Variants in USO1 observed in about 807,000 individuals in gnomAD.
The protein encoded by USO1 is general vesicular transport factor p115.
In USO1, 57 loss-of-function variants were observed where a neutral mutation model predicts 124.5. The ratio of observed to expected loss-of-function variants is 0.46; its 90% confidence interval spans 0.37 to 0.57. USO1 has a LOEUF of 0.57. Among genes scored for constraint, USO1 ranks in the 20% least tolerant of loss-of-function variants. The probability of loss-of-function intolerance (pLI) is 0.00; values close to 1 mark genes in which losing one functional copy is unlikely to be tolerated. For missense variants in USO1, 900 were observed against 1,040.6 expected, an observed-to-expected ratio of 0.86 and a Z score of 1.86; for synonymous variants, 369 against 362.8, an observed-to-expected ratio of 1.02 and a Z score of -0.19.
At chr4:75,785,981 T>G (rs1722351109) in intron 9 of USO1, among the ~76,000 whole-genome samples, 1 of 152,110 alleles carries the variant, frequency 6.6e-6, no homozygotes, top group African/African-American at 2.4e-5. Context: ...TGACATCAAT[T>G]TATTAATGAA....
At chr4:75,811,679 CT>C (rs1723155464) in intron 22 of USO1, among the ~76,000 whole-genome samples, 1 of 152,124 alleles carries the variant, frequency 6.6e-6, no homozygotes, top group Admixed American at 6.5e-5. Context: ...TATAATTGTG[CT>C]TTTTGGATTG....
At chr4:75,752,933 A>G (rs2149154860) in intron 3 of USO1, among the ~76,000 whole-genome samples, 2 of 152,340 alleles carry the variant, frequency 1.3e-5, no homozygotes, top group South Asian at 4.1e-4. Context: ...TAAAACAGAC[A>G]TATAAAAATG....
intron 1 of USO1, among the ~76,000 whole-genome samples, chr4:75,740,871 C>T (rs1720938637): frequency 6.6e-6 from 1 of 152,172 alleles, no homozygotes; most frequent in African/African-American, 2.4e-5. Flanking sequence ...CTTCGCATCA[C>T]TCGAAGTAAT....
At chr4:75,803,168 T>C (rs745463140) in intron 17 of USO1, among the ~76,000 whole-genome samples, 2 of 150,490 alleles carry the variant, frequency 1.3e-5, no homozygotes, top group Non-Finnish European at 3.0e-5. Flanking sequence ...AAACATTGAA[T>C]ATAAATTGTA....
chr4:75,747,900 CTTTT>C (rs34689475), intron 1 of USO1, among the ~76,000 whole-genome samples: 1 of 44,316 alleles, frequency 2.3e-5, no homozygotes, highest in East Asian at 9.5e-4. Context: ...CTCACCTGGC[CTTTT>C]TTTTTTTTTT....
At chr4:75,772,639 A>G (rs973443036) in intron 7 of USO1, among the ~76,000 whole-genome samples, 1 of 152,146 alleles carries the variant, frequency 6.6e-6, no homozygotes, top group African/African-American at 2.4e-5. Flanking sequence ...TCTTTCCTTG[A>G]CTAAAATATG....
At position 75,727,126 on chromosome 4, in the gene USO1, T is replaced by A. The variant is rs77254116; in HGVS notation, c.66+2241T>A. Among the ~76,000 whole-genome samples the A allele has an allele frequency of 1.9e-3, 295 of 152,254 alleles. 1 individual carries two copies. Among genetic ancestry groups the A allele is most frequent in the African/African-American group, 6.9e-3 (285 of 41,538 alleles). ...ATTGGCCTTGTCACAGTGACTTCTGTAGAAAAGATGGAATAGAATTCACAG... is the reference window on the plus strand; with the variant it reads ...ATTGGCCTTGTCACAGTGACTTCTGAAGAAAAGATGGAATAGAATTCACAG... On this transcript the variant is annotated intron_variant, in intron 1 of 23. Transcript: ENST00000514213.
intron 13 of USO1, chr4:75,795,329 T>C: frequency 1.4e-6 from 1 of 702,420 alleles, no homozygotes; most frequent in Non-Finnish European, 2.6e-6. Flanking sequence ...TAATGTATAA[T>C]TTGCAGGGTG....
chr4:75,725,000 T>A, intron 1 of USO1, 115 bp downstream of exon 1: 1 of 1,087,664 alleles, frequency 9.2e-7, no homozygotes, highest in Non-Finnish European at 1.3e-6. Flanking sequence ...GGCATCCACA[T>A]GCCGCCTCCC....
At chr4:75,768,622 C>G (rs906944823) in intron 4 of USO1, among the ~76,000 whole-genome samples, 1 of 152,112 alleles carries the variant, frequency 6.6e-6, no homozygotes, top group African/African-American at 2.4e-5. Context: ...TATTCCTTTT[C>G]TTTTTCCTGC....
At chr4:75,796,730 T>C (rs1722693672) in intron 13 of USO1, among the ~76,000 whole-genome samples, 1 of 152,216 alleles carries the variant, frequency 6.6e-6, no homozygotes, top group Admixed American at 6.5e-5. Context: ...ATTACAGTTT[T>C]AGCCTCCATT....
intron 8 of USO1, among the ~76,000 whole-genome samples, chr4:75,776,171 T>C (rs1722068635): frequency 6.6e-6 from 1 of 152,094 alleles, no homozygotes; most frequent in Admixed American, 6.6e-5. Context: ...ACAGGAGATT[T>C]TATGAGAGTA....
intron 1 of USO1, among the ~76,000 whole-genome samples, chr4:75,733,613 A>G (rs1239286609): frequency 1.3e-5 from 2 of 152,092 alleles, no homozygotes; most frequent in East Asian, 1.9e-4. Context: ...TTGCCTATGT[A>G]TATGTATTGT....
At chr4:75,786,303 T>G (rs1464803814) in intron 9 of USO1, among the ~76,000 whole-genome samples, 2 of 152,190 alleles carry the variant, frequency 1.3e-5, no homozygotes, top group Non-Finnish European at 2.9e-5. Flanking sequence ...TCCTATAAAA[T>G]AATGGTTAAT....
At chr4:75,738,658 T>A (rs2149142195) in intron 1 of USO1, among the ~76,000 whole-genome samples, 1 of 152,072 alleles carries the variant, frequency 6.6e-6, no homozygotes, top group Non-Finnish European at 1.5e-5. Context: ...TTAAAAATTT[T>A]TAATGGAGAT....
At chr4:75,760,484 T>C (rs1173053347) in intron 4 of USO1, 1 of 379,548 alleles carries the variant, frequency 2.6e-6, no homozygotes, top group Non-Finnish European at 4.7e-6. Context: ...AAGGATTATG[T>C]AGCTTATTAA....
chr4:75,780,009 G>A (rs911585160), intron 8 of USO1, among the ~76,000 whole-genome samples: 2 of 152,030 alleles, frequency 1.3e-5, no homozygotes, highest in African/African-American at 4.8e-5. Flanking sequence ...GAAAATCCTA[G>A]GACCCTTAAG....
intron 17 of USO1, among the ~76,000 whole-genome samples, chr4:75,802,514 A>G (rs1026326918): frequency 7.2e-5 from 11 of 152,186 alleles, no homozygotes; most frequent in African/African-American, 7.2e-5. Flanking sequence ...ATTAGTCCAC[A>G]AGCATCTAGA....
At position 75,814,241 on chromosome 4, in the gene USO1, A is replaced by G. The variant is rs1448984941; in HGVS notation, c.*946A>G. The G allele has an allele frequency of 6.6e-6, 1 of 152,208 alleles. No homozygotes were observed. The highest frequency in any genetic ancestry group is 1.5e-5 in the Non-Finnish European group (1 of 68,030). The allele number at this position is 152,208 out of a possible 1,614,324, so 9.4% of individuals were successfully genotyped here. A position where few individuals can be genotyped will look rare whatever the true frequency, so the allele number is the denominator to read the frequency against. On this transcript the variant is annotated 3_prime_UTR_variant, in exon 24 of 24. Coordinates refer to ENST00000514213, the MANE Select transcript of USO1 (RefSeq NM_003715.4). The stretch of plus-strand genomic sequence containing the variant: ...CTTGGTCATGGTTCCCTTTGTTTAC[A>G]TCTTAAAAGTATTTTATTCTTAATA...
Sources: allele counts gnomAD v4.1 joint callset (sites outside exome capture counted in the v4.1 genomes callset), GRCh38; gene constraint gnomAD v4.1.1; transcripts MANE v1.5; gene names NCBI Gene and HGNC (gene_info 2026-07-23, HGNC 2026-07-21).